Variants in NGLY1 observed in about 807,000 individuals in gnomAD.
The protein encoded by NGLY1 is peptide-N(4)-(N-acetyl-beta-glucosaminyl)asparagine amidase.
In NGLY1, 68 loss-of-function variants were observed where a neutral mutation model predicts 84.6. The ratio of observed to expected loss-of-function variants is 0.80; its 90% CI spans 0.66 to 0.98. The LOEUF is 0.98. Ranked by LOEUF, NGLY1 falls within the 50% of genes least tolerant of loss-of-function variation. NGLY1 has a pLI of 0.00. For synonymous variants in NGLY1, 280 were observed against 275.2 expected, an observed-to-expected ratio of 1.02 and a Z score of -0.17; for missense variants, 779 against 770.2, an observed-to-expected ratio of 1.01 and a Z score of -0.14.
chr3:25,762,700 C>A (rs1188483157), intron 3 of NGLY1, among the ~76,000 whole-genome samples: 1 of 152,036 alleles, frequency 6.6e-6, no homozygotes, highest in Non-Finnish European at 1.5e-5. Context: ...CATCTGTAAT[C>A]CAGCACTTTG....
chr3:25,761,621 T>C (rs1707327593), intron 3 of NGLY1, among the ~76,000 whole-genome samples: 1 of 152,128 alleles, frequency 6.6e-6, no homozygotes, highest in Admixed American at 6.5e-5. Flanking sequence ...TAAAGTAAAA[T>C]GGTACAATTT....
In NGLY1 at chr3:25,751,266, A is replaced by G; in HGVS notation, c.493-3T>C. On this transcript the variant is annotated splice_region_variant and splice_polypyrimidine_tract_variant and intron_variant, in intron 3 of 11. Transcript: ENST00000280700. ...AGAATGGCTGAGTCAGCAGCAACCT[A>G]ATAGGAAAAAAAAAAACTGAAATTA... 2 of 1,523,630 alleles carry G rather than the reference A, an allele frequency of 1.3e-6. No individual in the cohort carries two copies. The highest frequency in any genetic ancestry group is 4.7e-5 in the East Asian group (2 of 42,746). 94.4% of individuals were successfully genotyped at this position (1,523,630 alleles called of 1,614,324 possible). A position where few individuals can be genotyped will look rare whatever the true frequency, so the allele number is the denominator to read the frequency against.
chr3:25,754,318 A>C (rs1652031161), intron 3 of NGLY1, among the ~76,000 whole-genome samples: 1 of 152,194 alleles, frequency 6.6e-6, no homozygotes. Flanking sequence ...GGATGAGAAG[A>C]AGCTAACAAA....
At chr3:25,760,677 T>C (rs574804599) in intron 3 of NGLY1, among the ~76,000 whole-genome samples, 5 of 151,932 alleles carry the variant, frequency 3.3e-5, no homozygotes, top group Non-Finnish European at 7.4e-5. Flanking sequence ...CTGACCAACA[T>C]GGAGAAACCC....
rs147672745 is a variant in NGLY1, at chr3:25,751,910, T to TAAA, written c.493-648_493-647insTTT. Among the ~76,000 whole-genome samples the TAAA allele has an allele frequency of 4.2e-3, 632 of 152,182 alleles. 4 individuals are homozygous for TAAA. Among genetic ancestry groups the TAAA allele is most frequent in the African/African-American group, 0.015 (610 of 41,520 alleles). ...CCTCTGAGCAGTAAGTGTGCATACT[T>TAAA]AGAGTCACAAAAGGAAAGGGGAGTA... On this transcript the variant is annotated intron_variant, in intron 3 of 11. Coordinates refer to ENST00000280700, the MANE Select transcript of NGLY1 (RefSeq NM_018297.4).
At chr3:25,731,414 C>T (rs952602280) in intron 9 of NGLY1, among the ~76,000 whole-genome samples, 4 of 152,004 alleles carry the variant, frequency 2.6e-5, no homozygotes, top group Admixed American at 2.0e-4. Context: ...TACTACTATA[C>T]GCCACCAGAA....
At chr3:25,769,501 TGA>T (rs745738517) in intron 2 of NGLY1, among the ~76,000 whole-genome samples, 5 of 152,106 alleles carry the variant, frequency 3.3e-5, no homozygotes, top group Non-Finnish European at 5.9e-5. Flanking sequence ...AAAACCACAA[TGA>T]GATATTATCT....
intron 2 of NGLY1, among the ~76,000 whole-genome samples, chr3:25,774,829 C>T (rs778131827): frequency 3.3e-5 from 5 of 152,140 alleles, no homozygotes; most frequent in Admixed American, 1.3e-4. Flanking sequence ...CTACACACCC[C>T]AGTCCAGGAA....
At position 25,764,288 on chromosome 3, in the gene NGLY1, A is replaced by G; in HGVS notation, c.270T>C (p.Pro90=). The G allele has an allele frequency of 6.2e-7, 1 of 1,614,028 alleles. No individual in the cohort carries two copies. Among genetic ancestry groups the G allele is most frequent in the Non-Finnish European group, 8.5e-7 (1 of 1,179,976 alleles). Residue 90 remains proline (P), a synonymous_variant, in exon 3 of 12, where the codon CCT becomes CCC. Coordinates refer to ENST00000280700, the MANE Select transcript of NGLY1 (RefSeq NM_018297.4). ...GCAGCTGCTCCACTGAAGCTTTTTTAGGAAAGATGAGATGTGTTTCTCCCT... is the reference window on the plus strand; with the variant it reads ...GCAGCTGCTCCACTGAAGCTTTTTTGGGAAAGATGAGATGTGTTTCTCCCT... The part of the protein sequence containing the change: ...FEEGETHLIF[P]KKASVEQLQK...
intron 4 of NGLY1, among the ~76,000 whole-genome samples, chr3:25,746,744 A>T (rs1706455222): frequency 6.6e-6 from 1 of 152,240 alleles, no homozygotes; most frequent in Non-Finnish European, 1.5e-5. Flanking sequence ...ATTTGCCTAG[A>T]GAGAGGAAAT....
chr3:25,776,333 T>C (rs1053671873), intron 2 of NGLY1, among the ~76,000 whole-genome samples: 2 of 152,222 alleles, frequency 1.3e-5, no homozygotes, highest in Non-Finnish European at 2.9e-5. Context: ...ACAAATCTAA[T>C]TCTATCGAAT....
chr3:25,737,609 C>T (rs1402131232), intron 5 of NGLY1, among the ~76,000 whole-genome samples, 154 bp from the exon 6 acceptor site: 1 of 150,144 alleles, frequency 6.7e-6, no homozygotes, highest in Non-Finnish European at 1.5e-5. Context: ...GTGGCGCAAT[C>T]TCGGCTCACT....
intron 4 of NGLY1, among the ~76,000 whole-genome samples, chr3:25,745,332 T>C (rs1706366513): frequency 6.6e-6 from 1 of 152,198 alleles, no homozygotes; most frequent in African/African-American, 2.4e-5. Flanking sequence ...ATCCTACCTC[T>C]CCACCCTGTC....
At chr3:25,771,319 T>C (rs1188119721) in intron 2 of NGLY1, among the ~76,000 whole-genome samples, 9 of 152,242 alleles carry the variant, frequency 5.9e-5, no homozygotes. Context: ...CTTTATGTTT[T>C]GTTTGCTTTG....
At chr3:25,742,650 C>A (rs182725640) in intron 4 of NGLY1, among the ~76,000 whole-genome samples, 1 of 152,016 alleles carries the variant, frequency 6.6e-6, no homozygotes, top group African/African-American at 2.4e-5. Context: ...GACTGTCATT[C>A]TCCTTCTCAG....
intron 2 of NGLY1, among the ~76,000 whole-genome samples, chr3:25,768,371 G>A (rs569119452): frequency 9.9e-4 from 148 of 149,834 alleles, no homozygotes; most frequent in African/African-American, 3.4e-3. Flanking sequence ...GCGGTGAGTA[G>A]TGACTGTGCC....
At chr3:25,737,735 G>A (rs1459414641) in intron 5 of NGLY1, among the ~76,000 whole-genome samples, 2 of 151,998 alleles carry the variant, frequency 1.3e-5, no homozygotes, top group South Asian at 2.1e-4. Context: ...CAGTAGAGAC[G>A]GGGTTTCACC....
At chr3:25,727,605 T>G (rs1705324409) in intron 10 of NGLY1, among the ~76,000 whole-genome samples, 1 of 152,184 alleles carries the variant, frequency 6.6e-6, no homozygotes, top group African/African-American at 2.4e-5. Flanking sequence ...GCATCATGGT[T>G]AAGATGGCGG....
At chr3:25,746,628 C>A (rs961419555) in intron 4 of NGLY1, among the ~76,000 whole-genome samples, 1 of 152,192 alleles carries the variant, frequency 6.6e-6, no homozygotes, top group Non-Finnish European at 1.5e-5. Flanking sequence ...TAAGACCATT[C>A]CCACTGTGAG....
Sources: allele counts gnomAD v4.1 joint callset (sites outside exome capture counted in the v4.1 genomes callset), GRCh38; gene constraint gnomAD v4.1.1; transcripts MANE v1.5; gene names NCBI Gene and HGNC (gene_info 2026-07-23, HGNC 2026-07-21).